B4GALT6: variants seen among roughly 807,000 people sequenced by gnomAD.
B4GALT6 encodes the protein beta-1,4-galactosyltransferase 6.
A neutral mutation model predicts 46.3 loss-of-function variants in B4GALT6; 14 were observed. The ratio of observed to expected loss-of-function variants is 0.30; its 90% CI spans 0.20 to 0.47. B4GALT6 has a LOEUF of 0.47. B4GALT6 is among the 20% of genes least tolerant of loss of function. The pLI, the probability that B4GALT6 is intolerant of heterozygous loss-of-function variation, is 0.99. For missense variants in B4GALT6, 386 were observed against 480.1 expected, an observed-to-expected ratio of 0.80 and a Z score of 1.83; for synonymous variants, 168 against 162.0, an observed-to-expected ratio of 1.04 and a Z score of -0.28.
chr18:31,721,290 C>T, the B4GALT6 span, among the ~76,000 whole-genome samples: 1 of 152,020 alleles, frequency 6.6e-6, no homozygotes, highest in East Asian at 1.9e-4. Context: ...ACCTATGCAT[C>T]AAACCTGCAC....
chr18:31,700,468 T>TGTGAGAGA, the B4GALT6 span, among the ~76,000 whole-genome samples: 7 of 148,280 alleles, frequency 4.7e-5, no homozygotes, highest in Admixed American at 2.0e-4. Context: ...TGTGTGTGTG[T>TGTGAGAGA]GAGAGAGAGA....
chr18:31,690,250 G>A (rs2030064290), upstream of B4GALT6, among the ~76,000 whole-genome samples: 1 of 151,836 alleles, frequency 6.6e-6, no homozygotes, highest in Non-Finnish European at 1.5e-5. Context: ...TCCTGCCTCA[G>A]CCTCCCGAGT....
chr18:31,682,889 T>C (rs1245714751), intron 1 of B4GALT6, among the ~76,000 whole-genome samples: 1 of 152,068 alleles, frequency 6.6e-6, no homozygotes, highest in Non-Finnish European at 1.5e-5. Context: ...AAAGCTCTTG[T>C]TGAGTATCTA....
chr18:31,657,707 G>C (rs1452528401), intron 3 of B4GALT6, among the ~76,000 whole-genome samples: 1 of 152,122 alleles, frequency 6.6e-6, no homozygotes, highest in Non-Finnish European at 1.5e-5. Flanking sequence ...GTAAGCCGAA[G>C]TATTAGTTTT....
intron 1 of B4GALT6, among the ~76,000 whole-genome samples, chr18:31,683,077 T>C (rs1390179994): frequency 6.6e-6 from 1 of 152,218 alleles, no homozygotes; most frequent in Non-Finnish European, 1.5e-5. Context: ...TCACAATGCA[T>C]TTCTTCTTAA....
At chr18:31,665,254 C>G (rs571885165) in intron 2 of B4GALT6, among the ~76,000 whole-genome samples, 2 of 152,308 alleles carry the variant, frequency 1.3e-5, no homozygotes, top group South Asian at 4.1e-4. Flanking sequence ...CCCACTGAAT[C>G]CTTTAAAGTA....
the B4GALT6 span, among the ~76,000 whole-genome samples, chr18:31,722,074 G>T: frequency 2.0e-5 from 3 of 152,210 alleles, no homozygotes; most frequent in South Asian, 6.2e-4. Flanking sequence ...AGATTCTGTA[G>T]TACTGAAGAA....
rs959282805 is a variant in B4GALT6 at position 31,623,302 on chromosome 18, A to G, written c.*2312T>C. ...TATAGGCAAAAATAATTTTAGGTCT[A>G]CACTAAAAAAGCAAAACAAACAAAC... On this transcript the variant is annotated 3_prime_UTR_variant, in exon 9 of 9. Coordinates refer to ENST00000306851, the MANE Select transcript of B4GALT6 (RefSeq NM_004775.5). The G allele has an allele frequency of 6.6e-6, 1 of 152,340 alleles. No homozygotes were observed. The highest frequency in any genetic ancestry group is 2.4e-5 in the African/African-American group (1 of 41,444). 9.4% of individuals were successfully genotyped at this position (152,340 alleles called of 1,614,324 possible).
At chr18:31,698,085 A>G in the B4GALT6 span, among the ~76,000 whole-genome samples, 1 of 152,120 alleles carries the variant, frequency 6.6e-6, no homozygotes, top group Non-Finnish European at 1.5e-5. Flanking sequence ...TCTATTTGGC[A>G]TATGTTGGAT....
chr18:31,638,702 T>C lies in B4GALT6; in HGVS notation c.530A>G (p.His177Arg), dbSNP rs1408107538. ...RHEHLPIFFL[H>R]LIPMLQKQRL... ...CTGCTTCTGGAGCATTGGAATCAGA[T>C]GTAAGAAAAAAATTGGAAGATGTTC... is the stretch of plus-strand genomic sequence containing the variant. Residue 177 changes from histidine to arginine, a missense_variant, in exon 5 of 9, where the codon CAT becomes CGT. This residue lies in a region of B4GALT6 where 323 missense variants were observed against 438.9 expected (regional missense o/e 0.74). Coordinates refer to ENST00000306851, the MANE Select transcript of B4GALT6 (RefSeq NM_004775.5). The C allele has an allele frequency of 3.1e-6, 5 of 1,613,956 alleles. No individual in the cohort carries two copies. The highest frequency in any genetic ancestry group is 4.2e-6 in the Non-Finnish European group (5 of 1,179,988).
chr18:31,628,660 C>A (rs2073734089), intron 6 of B4GALT6, among the ~76,000 whole-genome samples: 1 of 152,168 alleles, frequency 6.6e-6, no homozygotes, highest in Admixed American at 6.5e-5. Context: ...AGTAGTGTGG[C>A]CATCACTGTG....
chr18:31,715,012 A>C, the B4GALT6 span, among the ~76,000 whole-genome samples: 2 of 152,204 alleles, frequency 1.3e-5, no homozygotes, highest in Admixed American at 6.5e-5. Context: ...TGTTTATTAT[A>C]AGTATGTCCA....
At chr18:31,627,939 C>CCAT (rs2073722079) in intron 6 of B4GALT6, among the ~76,000 whole-genome samples, 4 of 152,178 alleles carry the variant, frequency 2.6e-5, no homozygotes, top group African/African-American at 9.7e-5. Context: ...GCAGAGAAAA[C>CCAT]GTGACCATGC....
rs142548106 is a variant in B4GALT6, at chr18:31,676,613, C to T, written c.115+7699G>A. On this transcript the variant is annotated intron_variant, in intron 1 of 8. Coordinates refer to ENST00000306851, the MANE Select transcript of B4GALT6 (RefSeq NM_004775.5). ...GGAAAAGATTCTTCACCATGACAGCCATCTCTATTGCCAGTAAAACATGAT... is the reference window on the plus strand; with the variant it reads ...GGAAAAGATTCTTCACCATGACAGCTATCTCTATTGCCAGTAAAACATGAT... Among the ~76,000 whole-genome samples the T allele has an allele frequency of 4.4e-3, 663 of 152,278 alleles. 5 individuals carry two copies. The highest frequency in any genetic ancestry group is 0.015 in the African/African-American group (639 of 41,576).
chr18:31,692,150 A>G, the B4GALT6 span, among the ~76,000 whole-genome samples: 6 of 152,290 alleles, frequency 3.9e-5, no homozygotes, highest in African/African-American at 1.2e-4. Flanking sequence ...TTGCTTTTCA[A>G]TTTGAGTCAA....
At chr18:31,724,269 C>T in the B4GALT6 span, 13 of 387,786 alleles carry the variant, frequency 3.4e-5, no homozygotes, top group East Asian at 6.4e-4. Flanking sequence ...TGTCTTGTCC[C>T]GGCTGCGTCT....
At chr18:31,647,321 A>T (rs2074002606) in intron 3 of B4GALT6, among the ~76,000 whole-genome samples, 1 of 152,144 alleles carries the variant, frequency 6.6e-6, no homozygotes, top group Non-Finnish European at 1.5e-5. Context: ...TTTCTCCAGC[A>T]TCATTTGCAG....
upstream of B4GALT6, chr18:31,684,666 G>T (rs2074523075): frequency 2.4e-5 from 28 of 1,190,630 alleles, no homozygotes; most frequent in South Asian, 5.2e-4. Flanking sequence ...AAGAGGTGGA[G>T]GGGGGAGAGG....
chr18:31,651,404 TG>T (rs1334468143), intron 3 of B4GALT6, among the ~76,000 whole-genome samples: 2 of 151,570 alleles, frequency 1.3e-5, no homozygotes, highest in Admixed American at 6.6e-5. Flanking sequence ...CAGGGTGGGG[TG>T]GGGGGCTCTC....
Sources: gnomAD v4.1 joint callset for allele counts (sites outside exome capture counted in the v4.1 genomes callset) on GRCh38, gnomAD v4.1.1 for gene constraint, gnomAD v4.1.1 regional missense constraint, MANE v1.5 for transcripts, NCBI Gene and HGNC (gene_info 2026-07-23, HGNC 2026-07-21) for gene names.